Variants in FBN3 observed in about 807,000 individuals in gnomAD.
The protein encoded by FBN3 is fibrillin 3, also known as fibrillin-3.
Under a neutral mutation model 330.1 loss-of-function variants are expected in FBN3, and 234 were observed. The observed-to-expected ratio is 0.71, with a 90% CI of 0.64 to 0.79. The LOEUF (loss-of-function observed/expected upper bound fraction) is 0.79, where lower values mean the gene tolerates loss of function less well. Among genes scored for constraint, FBN3 ranks in the 30% least tolerant of loss-of-function variants. FBN3 has a pLI of 0.00. For synonymous variants in FBN3, 1,458 were observed against 1,517.3 expected (o/e 0.96, Z 0.91); for missense variants, 3,606 against 3,886.9 (o/e 0.93, Z 1.92).
At chr19:8,137,066 CCTCCAACCTGGGGCCTAGATCT>C (rs1397922987) in intron 10 of FBN3, among the ~76,000 whole-genome samples, 2 of 151,752 alleles carry the variant, frequency 1.3e-5, no homozygotes, top group Non-Finnish European at 2.9e-5. Context: ...GACCTGGATC[CCTCCAACCTGGGGCCTAGATCT>C]CTCCAACCTG....
chr19:8,130,631 A>AAAG lies in FBN3; in HGVS notation c.2044+603_2044+604insCTT. Among the ~76,000 whole-genome samples the AAAG allele has an allele frequency of 1.3e-4, 2 of 15,864 alleles. 1 individual carries two copies. Among genetic ancestry groups the AAAG allele is most frequent in the African/African-American group, 8.2e-4 (2 of 2,446 alleles). The allele number at this position is 15,864 out of a possible 152,430, so 10.4% of individuals were successfully genotyped here. A position where few individuals can be genotyped will look rare whatever the true frequency, so the allele number is the denominator to read the frequency against. On this transcript the variant is annotated intron_variant, in intron 16 of 63. Transcript: ENST00000600128. ...AAGAAAGAAAGAAAGAAAGAAAGAA[A>AAAG]GAAAGAAAGAAAGGAAAGGAAAGGA...
chr19:8,072,720 G>GCACACA (rs61403969), intron 62 of FBN3, among the ~76,000 whole-genome samples: 30,462 of 149,416 alleles, frequency 0.2, 4,256 homozygotes, highest in African/African-American at 0.39. Flanking sequence ...ATGCGCGCGT[G>GCACACA]CACACACACA....
Position 8,123,946 on chromosome 19 carries a change from C to T in FBN3, c.2794G>A (p.Gly932Ser). ...DEDECGVTLPGKYRMDVCCCS... is the reference protein window; with the variant it reads ...DEDECGVTLPSKYRMDVCCCS... ...CAGCAGACGTCCATCCGGTACTTGCCAGGCAGGGTGACCCCACACTCATCC... is the reference window on the plus strand; with the variant it reads ...CAGCAGACGTCCATCCGGTACTTGCTAGGCAGGGTGACCCCACACTCATCC... Residue 932 changes from glycine (G) to serine (S), a missense_variant, in exon 23 of 64, where the codon GGC becomes AGC. Physicochemically the swap from Gly to Ser is moderately conservative, Grantham distance 56. Coordinates refer to ENST00000600128, the MANE Select transcript of FBN3 (RefSeq NM_032447.5). The T allele has an allele frequency of 6.2e-7, 1 of 1,614,116 alleles. No homozygotes were observed. The highest frequency in any genetic ancestry group is 8.5e-7 in the Non-Finnish European group (1 of 1,180,030).
intron 13 of FBN3, 25 bp downstream of exon 13, chr19:8,135,936 G>GTCCCCCCCCCCCC: frequency 1.2e-5 from 8 of 668,776 alleles, no homozygotes; most frequent in South Asian, 3.2e-5. Flanking sequence ...GGAAGCCCCT[G>GTCCCCCCCCCCCC]CCCACCCGCC....
At chr19:8,133,482 G>A (rs952812126) in intron 13 of FBN3, among the ~76,000 whole-genome samples, 5 of 150,816 alleles carry the variant, frequency 3.3e-5, no homozygotes, top group Admixed American at 6.6e-5. Flanking sequence ...ACAGAGTCTC[G>A]CTCTGTCGCC....
Position 8,085,544 on chromosome 19 carries a change from G to C in FBN3, c.6906C>G (p.Ala2302=), listed in dbSNP as rs34514496. The C allele has an allele frequency of 2.5e-6, 4 of 1,580,542 alleles. No individual in the cohort carries two copies. The highest frequency in any genetic ancestry group is 1.8e-5 in the Admixed American group (1 of 54,512). ...ACCGGCACATGGTCTGCAGCACCTC[G>C]GCAAAGCAGGGCCCCTGCCGGATGT... ...CHDIRQGPCF[A]EVLQTMCRSL... Residue 2302 remains alanine (A), a synonymous_variant, in exon 56 of 64, where the codon GCC becomes GCG. Transcript: ENST00000600128.
rs2082570956 is a variant in FBN3, at chr19:8,111,103, A to G, written c.4165T>C (p.Cys1389Arg). ...LNAPGGYRCE[C>R]EMGFDPTEDH... ...TCGGTGGGGTCAAAGCCCATCTCAC[A>G]TTCACAGCGGTACCCGCCGGGCGCA... The change falls in exon 33 of 64, where the codon TGT (cysteine) becomes CGT (arginine). Residue 1389 changes from cysteine to arginine, a missense_variant. Physicochemically the swap from Cys to Arg is radical, Grantham distance 180. Transcript: ENST00000600128. 2 of 1,613,458 alleles carry G rather than the reference A, an allele frequency of 1.2e-6. No homozygotes were observed. The highest frequency in any genetic ancestry group is 4.5e-5 in the East Asian group (2 of 44,840).
chr19:8,066,317 G>C, intron 63 of FBN3, 57 bp from the exon 64 acceptor site: 2 of 1,291,710 alleles, frequency 1.5e-6, no homozygotes, highest in Non-Finnish European at 2.1e-6. Context: ...ATGTGGTGTG[G>C]GTAGGGGGTC....
intron 13 of FBN3, 98 bp downstream of exon 13, chr19:8,135,863 G>A (rs988475434): frequency 7.4e-6 from 10 of 1,356,466 alleles, no homozygotes; most frequent in Non-Finnish European, 9.1e-6. Flanking sequence ...TCGTAGGGAG[G>A]GAGGTGGGTT....
intron 26 of FBN3, among the ~76,000 whole-genome samples, chr19:8,118,271 C>T (rs1420695514): frequency 6.6e-6 from 1 of 152,140 alleles, no homozygotes; most frequent in Non-Finnish European, 1.5e-5. Flanking sequence ...CTCTTACACA[C>T]ACACACACAG....
intron 6 of FBN3, 32 bp downstream of exon 6, chr19:8,144,845 C>A: frequency 6.5e-7 from 1 of 1,540,858 alleles, no homozygotes; most frequent in Non-Finnish European, 8.8e-7. Context: ...ATCGAGTCCC[C>A]TGTCTACCTC....
intron 22 of FBN3, among the ~76,000 whole-genome samples, chr19:8,125,066 T>G (rs2144922273): frequency 6.6e-6 from 1 of 152,200 alleles, no homozygotes; most frequent in East Asian, 1.9e-4. Flanking sequence ...GCTGTACGTG[T>G]GTGGAGGTGG....
At chr19:8,083,748 G>A (rs1238585479) in intron 56 of FBN3, among the ~76,000 whole-genome samples, 2 of 151,372 alleles carry the variant, frequency 1.3e-5, no homozygotes, top group Admixed American at 6.6e-5. Flanking sequence ...GGACTCCCGA[G>A]TCTCCCCCCA....
Position 8,083,155 on chromosome 19 carries a change from A to G in FBN3, c.7213+92T>C, listed in dbSNP as rs2081846120. ...TTTGTAAATGAAAGCCTAACATTGC[A>G]AAGTGGAAAGTCTCAGGGAAGTTGA... On this transcript the variant is annotated intron_variant, in intron 57 of 63. Transcript: ENST00000600128. 7 of 1,488,184 alleles carry G rather than the reference A, an allele frequency of 4.7e-6. No homozygotes were observed. The South Asian group carries it at 8.1e-5, about 17-fold the overall frequency. The allele number at this position is 1,488,184 out of a possible 1,614,324, so 92.2% of individuals were successfully genotyped here. A position where few individuals can be genotyped will look rare whatever the true frequency, so the allele number is the denominator to read the frequency against.
At position 8,088,175 on chromosome 19, in the gene FBN3, T is replaced by G. The variant is rs1413775440; in HGVS notation, c.6381A>C (p.Thr2127=). Residue 2127 remains threonine, a synonymous_variant, in exon 52 of 64, where the codon ACA becomes ACC. Transcript: ENST00000600128. The part of the protein sequence containing the change: ...LDFTGINCVD[T]DECSVGHPCG... ...AGGGGTGGCCGACAGAGCACTCGTC[T>G]GTGTCTGGGTGGGAGTAAGGGGGTG... 7 of 1,595,180 alleles carry G rather than the reference T, an allele frequency of 4.4e-6. No individual in the cohort carries two copies. Among genetic ancestry groups the G allele is most frequent in the Non-Finnish European group, 6.0e-6 (7 of 1,168,736 alleles).
chr19:8,145,338 C>T (rs539128180), intron 5 of FBN3, among the ~76,000 whole-genome samples: 1 of 136,140 alleles, frequency 7.3e-6, no homozygotes, highest in Admixed American at 8.2e-5. Flanking sequence ...GGTGCCACTG[C>T]ATTCCAGCCT....
In FBN3 at chr19:8,109,219, G is replaced by A. The variant is rs1332852933; in HGVS notation, c.4618+8C>T. On this transcript the variant is annotated splice_region_variant and intron_variant, in intron 36 of 63. Coordinates refer to ENST00000600128, the MANE Select transcript of FBN3 (RefSeq NM_032447.5). This position sits in a 1 kb window ranked among gnomAD's most constrained non-coding sequence, Gnocchi z 5.2. ...GTCACGGTGTTCAACTGCCCCGCAG[G>A]GACTCACTGGTGTTGGCCATAGGGC... The A allele has an allele frequency of 6.2e-7, 1 of 1,613,738 alleles. No homozygotes were observed. Among genetic ancestry groups the A allele is most frequent in the African/African-American group, 1.3e-5 (1 of 74,884 alleles).
intron 8 of FBN3, among the ~76,000 whole-genome samples, chr19:8,139,010 T>C (rs1243391086): frequency 6.6e-6 from 1 of 151,390 alleles, no homozygotes; most frequent in Non-Finnish European, 1.5e-5. Flanking sequence ...GCTGAGATCA[T>C]GCCACTGCAC....
At chr19:8,070,159 A>AG (rs1439965904) in intron 63 of FBN3, among the ~76,000 whole-genome samples, 1 of 152,122 alleles carries the variant, frequency 6.6e-6, no homozygotes, top group Non-Finnish European at 1.5e-5. Flanking sequence ...AAATAACTAG[A>AG]GGGGAAAAAG....
Sources: gnomAD v4.1 joint callset for allele counts (sites outside exome capture counted in the v4.1 genomes callset) on GRCh38, gnomAD v4.1.1 for gene constraint, Gnocchi (gnomAD v3.1) non-coding constraint, MANE v1.5 for transcripts, NCBI Gene and HGNC (gene_info 2026-07-23, HGNC 2026-07-21) for gene names.